Variants in TNRC6A observed in about 807,000 individuals in gnomAD.
TNRC6A encodes the protein trinucleotide repeat containing adaptor 6A, also known as trinucleotide repeat-containing gene 6A protein.
Under a neutral mutation model 221.2 loss-of-function variants are expected in TNRC6A, and 44 were observed. That is an observed-to-expected ratio of 0.20 (90% CI 0.16 to 0.26). The LOEUF (loss-of-function observed/expected upper bound fraction) is 0.26, where lower values mean the gene tolerates loss of function less well. Among genes scored for constraint, TNRC6A ranks in the 10% least tolerant of loss-of-function variants. The probability of loss-of-function intolerance (pLI) is 1.00; values close to 1 mark genes in which losing one functional copy is unlikely to be tolerated. For synonymous variants in TNRC6A, 847 were observed against 838.5 expected (o/e 1.01, Z -0.18); for missense variants, 2,199 against 2,404.4 (o/e 0.91, Z 1.79).
intron 2 of TNRC6A, among the ~76,000 whole-genome samples, chr16:24,647,594 C>T (rs1173708304): frequency 6.6e-6 from 1 of 152,136 alleles, no homozygotes; most frequent in African/African-American, 2.4e-5. Flanking sequence ...TCCATCTCTA[C>T]AACTTTATCT....
intron 4 of TNRC6A, among the ~76,000 whole-genome samples, chr16:24,773,536 T>G (rs752872261): frequency 1.3e-5 from 2 of 152,222 alleles, no homozygotes; most frequent in Non-Finnish European, 2.9e-5. Flanking sequence ...GTGTGTGTGT[T>G]TGTGCACGCG....
intron 2 of TNRC6A, among the ~76,000 whole-genome samples, chr16:24,679,767 C>T (rs2055494434): frequency 6.6e-6 from 1 of 151,694 alleles, no homozygotes; most frequent in South Asian, 2.1e-4. Context: ...GTGAGCCACC[C>T]CACCTGGCAA....
At chr16:24,797,692 A>G in intron 10 of TNRC6A, 122 bp downstream of exon 10, 1 of 957,032 alleles carries the variant, frequency 1.0e-6, no homozygotes, top group Non-Finnish European at 1.5e-6. Context: ...TTGATGTTAG[A>G]GTAAAATCGG....
chr16:24,721,747 A>G (rs1045001582), intron 2 of TNRC6A, among the ~76,000 whole-genome samples: 2 of 152,168 alleles, frequency 1.3e-5, no homozygotes, highest in African/African-American at 4.8e-5. Flanking sequence ...GTGGATTATT[A>G]TTATTTTAAA....
intron 5 of TNRC6A, among the ~76,000 whole-genome samples, chr16:24,788,718 CG>C (rs1427663948): frequency 6.6e-6 from 1 of 151,314 alleles, no homozygotes; most frequent in African/African-American, 2.4e-5. Flanking sequence ...GCACTATCTC[CG>C]CTCACTGCAA....
intron 2 of TNRC6A, among the ~76,000 whole-genome samples, chr16:24,745,552 A>G (rs767666012): frequency 2.2e-4 from 33 of 152,220 alleles, no homozygotes; most frequent in Non-Finnish European, 2.4e-4. Flanking sequence ...AGGATGAGCT[A>G]GCTTGTGGTG....
At chr16:24,806,454 A>G (rs2058433945) in intron 16 of TNRC6A, 120 bp from the exon 17 acceptor site, 1 of 1,371,654 alleles carries the variant, frequency 7.3e-7, no homozygotes, top group Middle Eastern at 1.8e-4. Context: ...TGAACATTAT[A>G]CAGTGATTAT....
At chr16:24,731,897 AG>A (rs1241039967) in intron 2 of TNRC6A, among the ~76,000 whole-genome samples, 2 of 152,250 alleles carry the variant, frequency 1.3e-5, no homozygotes, top group Non-Finnish European at 2.9e-5. Context: ...GGCGTGGGCC[AG>A]CCAGTTGCTG....
At chr16:24,735,255 G>C (rs908226397) in intron 2 of TNRC6A, among the ~76,000 whole-genome samples, 2 of 152,162 alleles carry the variant, frequency 1.3e-5, no homozygotes, top group Admixed American at 6.5e-5. Context: ...CTCCAGCCTG[G>C]GCAACAGAGT....
chr16:24,677,178 T>C (rs77534513), intron 2 of TNRC6A, among the ~76,000 whole-genome samples: 2 of 150,400 alleles, frequency 1.3e-5, no homozygotes, highest in Admixed American at 6.6e-5. Context: ...TTTTTTTTTT[T>C]CCCTGACAGA....
intron 4 of TNRC6A, among the ~76,000 whole-genome samples, chr16:24,774,231 G>A (rs760477967): frequency 6.6e-6 from 1 of 152,060 alleles, no homozygotes; most frequent in South Asian, 2.1e-4. Flanking sequence ...CCCCACCTAC[G>A]TTCACTGTTT....
At chr16:24,674,862 G>A (rs2055377030) in intron 2 of TNRC6A, among the ~76,000 whole-genome samples, 1 of 152,094 alleles carries the variant, frequency 6.6e-6, no homozygotes, top group African/African-American at 2.4e-5. Flanking sequence ...CACCCACCAG[G>A]CAGTGGTAGC....
At chr16:24,775,381 G>A (rs928875095) in intron 4 of TNRC6A, among the ~76,000 whole-genome samples, 14 of 151,880 alleles carry the variant, frequency 9.2e-5, no homozygotes, top group African/African-American at 3.4e-4. Context: ...TTAGAAAAAT[G>A]GAAGTCACAT....
chr16:24,710,293 T>C (rs569328241), intron 2 of TNRC6A, among the ~76,000 whole-genome samples: 20 of 152,126 alleles, frequency 1.3e-4, no homozygotes, highest in African/African-American at 4.1e-4. Flanking sequence ...AATAACTTTT[T>C]TCCTCAACAA....
intron 1 of TNRC6A, among the ~76,000 whole-genome samples, chr16:24,616,878 G>C (rs1045475710): frequency 1.3e-5 from 2 of 152,166 alleles, no homozygotes; most frequent in African/African-American, 4.8e-5. Flanking sequence ...CCGAGATCAT[G>C]CCATTGCACT....
intron 18 of TNRC6A, among the ~76,000 whole-genome samples, chr16:24,811,461 A>C (rs2058542288): frequency 6.6e-6 from 1 of 152,148 alleles, no homozygotes; most frequent in African/African-American, 2.4e-5. Flanking sequence ...GCAGTTGGGC[A>C]AGGCTTCTAG....
At position 24,818,609 on chromosome 16, in the gene TNRC6A, G is replaced by C; in HGVS notation, c.4989G>C (p.Leu1663Phe). The C allele has an allele frequency of 1.9e-6, 3 of 1,614,126 alleles. No homozygotes were observed. Among genetic ancestry groups the C allele is most frequent in the Non-Finnish European group, 2.5e-6 (3 of 1,180,008 alleles). Residue 1663 changes from leucine to phenylalanine, a missense_variant, in exon 21 of 25, where the codon TTG becomes TTC. Leu to Phe is a conservative substitution (Grantham distance 22, BLOSUM62 0). Transcript: ENST00000395799. ...CCCACACAGGGTCATCCTCATCCTTGAACACCACGCTGCCTTCAACTAGTG... is the reference window on the plus strand; with the variant it reads ...CCCACACAGGGTCATCCTCATCCTTCAACACCACGCTGCCTTCAACTAGTG... ...RDRNSGSSSS[L>F]NTTLPSTSAW...
At chr16:24,678,075 C>T (rs1051928533) in intron 2 of TNRC6A, among the ~76,000 whole-genome samples, 10 of 151,918 alleles carry the variant, frequency 6.6e-5, no homozygotes, top group African/African-American at 2.2e-4. Flanking sequence ...TTTGGGAGGC[C>T]GAGGTGGGTG....
Position 24,657,698 on chromosome 16 carries a change from A to ATTTG in TNRC6A, n.402+16689_402+16690insTTTG, listed in dbSNP as rs534246396. Reference sequence around the variant, plus strand: ...CACTCCAGCTTGGGCGACAGAGCAAAGCTCCATCTCAAAAAAAAAAAAAAA... The same window carrying ATTTG: ...CACTCCAGCTTGGGCGACAGAGCAAATTTGGCTCCATCTCAAAAAAAAAAAAAAA... On this transcript the variant is annotated intron_variant and non_coding_transcript_variant, in intron 2 of 2. Transcript: ENST00000566108. Among the ~76,000 whole-genome samples, 16 of 143,200 alleles carry ATTTG rather than the reference A, an allele frequency of 1.1e-4. No individual in the cohort carries two copies. The South Asian group carries it at 3.3e-3, about 29-fold the overall frequency. The allele number at this position is 143,200 out of a possible 152,430, so 93.9% of individuals were successfully genotyped here.
Sources: gnomAD v4.1 joint callset for allele counts (sites outside exome capture counted in the v4.1 genomes callset) on GRCh38, gnomAD v4.1.1 for gene constraint, MANE v1.5 for transcripts, NCBI Gene and HGNC (gene_info 2026-07-23, HGNC 2026-07-21) for gene names.